Variants in RBM11 observed in about 807,000 individuals in gnomAD.
RBM11 encodes the protein RNA binding motif protein 11.
Under a neutral mutation model 21.4 loss-of-function variants are expected in RBM11, and 18 were observed. The ratio of observed to expected loss-of-function variants is 0.84; its 90% confidence interval spans 0.58 to 1.25. RBM11 has a LOEUF of 1.25. RBM11 is among the 50% of genes most tolerant of loss of function. RBM11 has a pLI of 0.00. For missense variants in RBM11, 294 were observed against 331.9 expected (o/e 0.89, Z 0.89); for synonymous variants, 120 against 116.3 (o/e 1.03, Z -0.20).
chr21:14,223,957 A>G (rs1185045522), intron 3 of RBM11, among the ~76,000 whole-genome samples: 1 of 152,122 alleles, frequency 6.6e-6, no homozygotes, highest in African/African-American at 2.4e-5. Context: ...ACCAGAAGCC[A>G]CCTGATCTTG....
At chr21:14,220,152 A>G (rs542208700) in intron 2 of RBM11, among the ~76,000 whole-genome samples, 8 of 152,252 alleles carry the variant, frequency 5.3e-5, no homozygotes, top group African/African-American at 1.9e-4. Context: ...CCTTCTGGGG[A>G]AATCTTTCTA....
intron 3 of RBM11, among the ~76,000 whole-genome samples, chr21:14,223,142 CTAGAG>C (rs1446351283): frequency 3.3e-5 from 5 of 152,170 alleles, no homozygotes; most frequent in Non-Finnish European, 5.9e-5. Flanking sequence ...ATCACAAATT[CTAGAG>C]TAGACAGCCT....
At chr21:14,224,575 A>T (rs1450031271) in intron 4 of RBM11, 38 bp downstream of exon 4, 2 of 1,517,032 alleles carry the variant, frequency 1.3e-6, no homozygotes, top group African/African-American at 2.8e-5. Context: ...ATATAATATG[A>T]TACAAACTAT....
At position 14,226,906 on chromosome 21, in the gene RBM11, G is replaced by C. The variant is rs2123414474; in HGVS notation, c.459G>C (p.Leu153=). The change falls in exon 5 of 5, where the codon CTG becomes CTC. Residue 153 remains leucine (L), a synonymous_variant. Transcript: ENST00000400577. The part of the protein sequence containing the change: ...KMQWHVYNPV[L]QLPYYEMTAP... ...AGTGGCATGTGTATAATCCAGTGCTGCAGCTTCCTTACTATGAAATGACAG... is the reference window on the plus strand; with the variant it reads ...AGTGGCATGTGTATAATCCAGTGCTCCAGCTTCCTTACTATGAAATGACAG... 1.2e-6 allele frequency: 2 copies of C among 1,613,552 alleles called. No homozygotes were observed. Among genetic ancestry groups the C allele is most frequent in the East Asian group, 2.2e-5 (1 of 44,874 alleles).
At chr21:14,219,520 AAT>A (rs1291024321) in intron 1 of RBM11, 41 bp from the exon 2 acceptor site, 2 of 1,380,350 alleles carry the variant, frequency 1.4e-6, no homozygotes, top group African/African-American at 2.9e-5. Flanking sequence ...GTATAAAAAA[AAT>A]CTTTGGATTT....
At chr21:14,220,804 A>G (rs940960350) in intron 2 of RBM11, among the ~76,000 whole-genome samples, 4 of 152,150 alleles carry the variant, frequency 2.6e-5, no homozygotes, top group African/African-American at 9.7e-5. Context: ...TTTTTAGTTT[A>G]CAGGTGTCTG....
At chr21:14,221,383 T>TA in intron 3 of RBM11, 1 of 466,002 alleles carries the variant, frequency 2.1e-6, no homozygotes, top group Non-Finnish European at 3.5e-6. Context: ...GGTAGAGACT[T>TA]ATATTTGTAG....
chr21:14,226,666 T>G (rs1979114181), intron 4 of RBM11, among the ~76,000 whole-genome samples: 2 of 151,614 alleles, frequency 1.3e-5, no homozygotes, highest in Admixed American at 1.3e-4. Context: ...TGGATAGCAC[T>G]AATCTATATT....
intron 4 of RBM11, among the ~76,000 whole-genome samples, chr21:14,226,037 A>T (rs1427514814): frequency 6.6e-6 from 1 of 152,082 alleles, no homozygotes; most frequent in Non-Finnish European, 1.5e-5. Context: ...TATTTGAAAC[A>T]ACTTGGCCAT....
At chr21:14,217,732 AAAC>A (rs1181794261) in intron 1 of RBM11, among the ~76,000 whole-genome samples, 5 of 152,186 alleles carry the variant, frequency 3.3e-5, no homozygotes, top group Non-Finnish European at 5.9e-5. Context: ...AAGTTAAAAA[AAAC>A]AACAACAAAA....
intron 3 of RBM11, 155 bp from the exon 4 acceptor site, chr21:14,224,283 C>T (rs1568900317): frequency 8.7e-7 from 1 of 1,145,324 alleles, no homozygotes; most frequent in Non-Finnish European, 1.2e-6. Flanking sequence ...TTTGGGGAGA[C>T]ATGTCAGCCC....
At chr21:14,216,357 C>A in intron 1 of RBM11, 75 bp downstream of exon 1, 1 of 1,252,132 alleles carries the variant, frequency 8.0e-7, no homozygotes, top group Non-Finnish European at 1.1e-6. Context: ...CTGGACCACC[C>A]GGAGCCCGGC....
chr21:14,217,723 A>C (rs541547546), intron 1 of RBM11, among the ~76,000 whole-genome samples: 12 of 152,184 alleles, frequency 7.9e-5, no homozygotes, highest in African/African-American at 2.9e-4. Flanking sequence ...TACTATATTA[A>C]GTTAAAAAAA....
rs1979274278 is a variant in RBM11, at chr21:14,228,265, A to G, written c.*972A>G. ...AGTCATGCAACTCAGTTGGGAATTA[A>G]CCACTCAATTCAATAGTAAAAGCCA... is the stretch of plus-strand genomic sequence containing the variant. On this transcript the variant is annotated 3_prime_UTR_variant, in exon 5 of 5. Coordinates refer to ENST00000400577, the MANE Select transcript of RBM11 (RefSeq NM_144770.5). 1 of 152,146 alleles carries G rather than the reference A, an allele frequency of 6.6e-6. No homozygotes were observed. The highest frequency in any genetic ancestry group is 1.5e-5 in the Non-Finnish European group (1 of 68,020). 9.4% of individuals were successfully genotyped at this position (152,146 alleles called of 1,614,324 possible). A position where few individuals can be genotyped will look rare whatever the true frequency, so the allele number is the denominator to read the frequency against.
At chr21:14,225,009 A>G (rs1280192062) in intron 4 of RBM11, among the ~76,000 whole-genome samples, 1 of 151,952 alleles carries the variant, frequency 6.6e-6, no homozygotes, top group Non-Finnish European at 1.5e-5. Context: ...AACCCCAGCT[A>G]CTCGGGAGGC....
chr21:14,217,139 G>A (rs1340798141), intron 1 of RBM11, among the ~76,000 whole-genome samples: 1 of 152,214 alleles, frequency 6.6e-6, no homozygotes, highest in Non-Finnish European at 1.5e-5. Flanking sequence ...TCTGAGGTCA[G>A]CAGTGTGACT....
intron 4 of RBM11, 171 bp from the exon 5 acceptor site, chr21:14,226,709 A>G (rs1307429035): frequency 3.7e-6 from 3 of 802,502 alleles, no homozygotes; most frequent in Non-Finnish European, 5.8e-6. Flanking sequence ...AACTCTTTAT[A>G]TTGACCCTTT....
At chr21:14,223,347 G>A (rs911361349) in intron 3 of RBM11, among the ~76,000 whole-genome samples, 11 of 152,122 alleles carry the variant, frequency 7.2e-5, no homozygotes, top group African/African-American at 2.7e-4. Flanking sequence ...GCTTCTTGTT[G>A]TTTCTTGTAC....
chr21:14,219,470 A>G, intron 1 of RBM11, 93 bp from the exon 2 acceptor site: 2 of 907,792 alleles, frequency 2.2e-6, no homozygotes, highest in East Asian at 5.4e-5. Flanking sequence ...AGATATTGCT[A>G]ACACATTTCT....
Sources: gnomAD v4.1 joint callset for allele counts (sites outside exome capture counted in the v4.1 genomes callset) on GRCh38, gnomAD v4.1.1 for gene constraint, MANE v1.5 for transcripts, NCBI Gene and HGNC (gene_info 2026-07-23, HGNC 2026-07-21) for gene names.